Variants in SORCS3 observed in about 807,000 individuals in gnomAD.
SORCS3 encodes VPS10 domain-containing receptor SorCS3.
SORCS3 carries 57 observed loss-of-function variants against 146.3 expected under a neutral mutation model. The ratio of observed to expected loss-of-function variants is 0.39; its 90% CI spans 0.31 to 0.49. SORCS3 has a LOEUF of 0.49. Among genes scored for constraint, SORCS3 ranks in the 20% least tolerant of loss-of-function variants. The pLI is 0.92. For missense variants in SORCS3, 1,341 were observed against 1,575.5 expected (o/e 0.85, Z 2.52); for synonymous variants, 653 against 618.5 (o/e 1.06, Z -0.83).
chr10:104,986,595 C>T (rs1458965889), intron 4 of SORCS3, among the ~76,000 whole-genome samples: 1 of 152,150 alleles, frequency 6.6e-6, no homozygotes, highest in African/African-American at 2.4e-5. Flanking sequence ...TTAATCATCC[C>T]TAGCTTTTGA....
intron 1 of SORCS3, among the ~76,000 whole-genome samples, chr10:104,728,854 T>G (rs972896698): frequency 3.3e-5 from 5 of 152,124 alleles, no homozygotes; most frequent in Non-Finnish European, 2.9e-5. Context: ...TGGGGTAGAT[T>G]AGGAATAATG....
chr10:105,097,740 A>G (rs1294898331), intron 6 of SORCS3, among the ~76,000 whole-genome samples: 1 of 152,202 alleles, frequency 6.6e-6, no homozygotes, highest in African/African-American at 2.4e-5. Flanking sequence ...CAATGAACAA[A>G]GCAGTAACAA....
chr10:104,733,520 ATTT>A (rs34203788), intron 1 of SORCS3, among the ~76,000 whole-genome samples: 3,176 of 123,334 alleles, frequency 0.026, 116 homozygotes, highest in African/African-American at 0.084. Flanking sequence ...CTGATGATTA[ATTT>A]TTTTTTTTTT....
At chr10:104,924,699 G>A (rs7076546) in intron 3 of SORCS3, among the ~76,000 whole-genome samples, 42,900 of 152,030 alleles carry the variant, frequency 0.28, 7,940 homozygotes, top group African/African-American at 0.53. Flanking sequence ...TACCTGTATG[G>A]CACTGAGAAG....
At chr10:104,683,223 A>G (rs1188520856) in intron 1 of SORCS3, among the ~76,000 whole-genome samples, 1 of 152,218 alleles carries the variant, frequency 6.6e-6, no homozygotes, top group African/African-American at 2.4e-5. Context: ...GAGAAGGAGA[A>G]AGCCTTTTTA....
At chr10:104,650,100 C>T (rs1221641823) in intron 1 of SORCS3, among the ~76,000 whole-genome samples, 2 of 152,214 alleles carry the variant, frequency 1.3e-5, no homozygotes, top group African/African-American at 4.8e-5. Flanking sequence ...GGGCATATCA[C>T]ATGGATTGGA....
chr10:105,021,459 A>G (rs1044594634), intron 4 of SORCS3, among the ~76,000 whole-genome samples: 1 of 152,218 alleles, frequency 6.6e-6, no homozygotes, highest in African/African-American at 2.4e-5. Context: ...CATTCAAACC[A>G]TAGCATAAAC....
intron 2 of SORCS3, among the ~76,000 whole-genome samples, chr10:104,876,889 T>A (rs2018580569): frequency 6.6e-6 from 1 of 152,028 alleles, no homozygotes; most frequent in South Asian, 2.1e-4. Flanking sequence ...AGGATGTTGC[T>A]TTGTCACTCA....
intron 1 of SORCS3, among the ~76,000 whole-genome samples, chr10:104,643,417 C>A (rs2133232926): frequency 6.6e-6 from 1 of 152,318 alleles, no homozygotes; most frequent in East Asian, 1.9e-4. Context: ...CGCGGGCAGC[C>A]CAGCCTGGGT....
intron 4 of SORCS3, among the ~76,000 whole-genome samples, chr10:105,022,307 T>G (rs1193453101): frequency 7.0e-6 from 1 of 142,892 alleles, no homozygotes; most frequent in Non-Finnish European, 1.5e-5. Flanking sequence ...CTTTTTTTTT[T>G]TTTTTTCGAG....
intron 16 of SORCS3, among the ~76,000 whole-genome samples, chr10:105,204,523 T>C (rs1369406368): frequency 6.6e-6 from 1 of 152,138 alleles, no homozygotes; most frequent in Non-Finnish European, 1.5e-5. Context: ...TCATAATAGG[T>C]GTATGGTCTC....
chr10:104,740,783 T>A (rs1035931189), intron 1 of SORCS3, among the ~76,000 whole-genome samples: 2 of 152,166 alleles, frequency 1.3e-5, no homozygotes, highest in African/African-American at 4.8e-5. Flanking sequence ...GAAATAATAA[T>A]GTAGAAGGGG....
chr10:104,687,029 GCATCCATGCATGAATT>G (rs1312630541), intron 1 of SORCS3, among the ~76,000 whole-genome samples: 1 of 151,566 alleles, frequency 6.6e-6, no homozygotes, highest in East Asian at 1.9e-4. Context: ...ATCCATCCAT[GCATCCATGCATGAATT>G]CATCCATCCA....
intron 14 of SORCS3, among the ~76,000 whole-genome samples, chr10:105,185,147 T>C (rs183491261): frequency 3.2e-4 from 48 of 152,332 alleles, no homozygotes; most frequent in African/African-American, 1.1e-3. Context: ...TATTCAGCTT[T>C]TGTTAAAAAA....
Position 105,145,917 on chromosome 10 carries a change from A to G in SORCS3, c.1303-1700A>G, listed in dbSNP as rs959092330. Among the ~76,000 whole-genome samples, 5 of 151,924 alleles carry G rather than the reference A, an allele frequency of 3.3e-5. No individual in the cohort carries two copies. In the South Asian group the frequency reaches 8.4e-4, roughly 25 times the overall value. On this transcript the variant is annotated intron_variant, in intron 8 of 26. Transcript: ENST00000369701. ...ATCAAATGGGTTTACTCCTTTATAA[A>G]TCATCTTGGAGGAGCTCTCTGTGGT... is the stretch of plus-strand genomic sequence containing the variant.
At chr10:105,240,609 G>A (rs576905483) in intron 20 of SORCS3, among the ~76,000 whole-genome samples, 5 of 152,240 alleles carry the variant, frequency 3.3e-5, no homozygotes, top group African/African-American at 1.2e-4. Context: ...TGTCCTAAAT[G>A]ATTCAGCTTG....
chr10:104,745,663 C>T (rs968153276), intron 1 of SORCS3, among the ~76,000 whole-genome samples: 3 of 152,266 alleles, frequency 2.0e-5, no homozygotes, highest in Admixed American at 1.3e-4. Flanking sequence ...CACTATGCTG[C>T]GCTGTCCATC....
At chr10:105,033,289 CATAAAA>C (rs2055282790) in intron 4 of SORCS3, among the ~76,000 whole-genome samples, 1 of 152,136 alleles carries the variant, frequency 6.6e-6, no homozygotes, top group African/African-American at 2.4e-5. Context: ...AAGAAGGTAA[CATAAAA>C]GATAGTATGG....
At chr10:104,771,875 C>T (rs572664820) in intron 1 of SORCS3, among the ~76,000 whole-genome samples, 1 of 151,924 alleles carries the variant, frequency 6.6e-6, no homozygotes, top group African/African-American at 2.4e-5. Context: ...GGAGGTTCTC[C>T]TCTTCTCCTC....
Sources: gnomAD v4.1 joint callset for allele counts (sites outside exome capture counted in the v4.1 genomes callset) on GRCh38, gnomAD v4.1.1 for gene constraint, MANE v1.5 for transcripts, NCBI Gene and HGNC (gene_info 2026-07-23, HGNC 2026-07-21) for gene names.